Variants in THSD7A observed in about 807,000 individuals in gnomAD.
The protein encoded by THSD7A is thrombospondin type-1 domain-containing protein 7A.
Under a neutral mutation model 231.3 loss-of-function variants are expected in THSD7A, and 96 were observed. The observed-to-expected ratio is 0.41, with a 90% confidence interval of 0.35 to 0.49. THSD7A has a LOEUF of 0.49. Among genes scored for constraint, THSD7A ranks in the 20% least tolerant of loss-of-function variants. The pLI is 0.05. For synonymous variants in THSD7A, 940 were observed against 743.3 expected (o/e 1.26, Z -4.30); for missense variants, 2,290 against 2,070.2 (o/e 1.11, Z -2.06).
At chr7:11,382,810 C>T (rs1782572365) in intron 23 of THSD7A, among the ~76,000 whole-genome samples, 194 bp from the exon 24 acceptor site, 1 of 151,810 alleles carries the variant, frequency 6.6e-6, no homozygotes, top group Non-Finnish European at 1.5e-5. Flanking sequence ...AACTAATTTT[C>T]CATGTCTGCT....
rs556863248 is a variant in THSD7A at position 11,460,609 on chromosome 7, A to G, written c.2605+53T>C. ...GTCCAAGTGGCAAATGCATCAAAAC[A>G]GTAGTTAAACTAGCGATGCTGGAGA... On this transcript the variant is annotated intron_variant, in intron 11 of 27. Transcript: ENST00000423059. The G allele has an allele frequency of 3.7e-5, 53 of 1,443,052 alleles. No individual in the cohort carries two copies. In the African/African-American group the frequency reaches 3.8e-4, roughly 10 times the overall value. 89.4% of individuals were successfully genotyped at this position (1,443,052 alleles called of 1,614,324 possible).
intron 1 of THSD7A, among the ~76,000 whole-genome samples, chr7:11,769,149 A>ATTTTTTTT (rs1245740094): frequency 8.3e-5 from 3 of 36,308 alleles, no homozygotes; most frequent in African/African-American, 2.4e-4. Flanking sequence ...ATATATATAT[A>ATTTTTTTT]TATATTTTTT....
rs182361484 is a variant in THSD7A, at chr7:11,823,255, T to C, written c.190+8502A>G. 5.5e-3 allele frequency among the ~76,000 whole-genome samples: 840 copies of C among 152,176 alleles called. 30 individuals are homozygous for C. Among genetic ancestry groups the C allele is most frequent in the Admixed American group, 0.051 (776 of 15,280 alleles). ...TCTTGTTGGCTTTGTCAAAGATCAG[T>C]TGGTTTAAAATATGTGACCTTATTT... is the stretch of plus-strand genomic sequence containing the variant. On this transcript the variant is annotated intron_variant, in intron 1 of 27. Transcript: ENST00000423059.
chr7:11,518,598 AACACACAC>A (rs138134072), intron 6 of THSD7A, among the ~76,000 whole-genome samples: 5 of 150,064 alleles, frequency 3.3e-5, no homozygotes, highest in African/African-American at 7.4e-5. Flanking sequence ...ATAAAATAGA[AACACACAC>A]ACACACACAC....
intron 11 of THSD7A, among the ~76,000 whole-genome samples, chr7:11,460,290 G>A (rs759608702): frequency 6.6e-6 from 1 of 152,076 alleles, no homozygotes; most frequent in Admixed American, 6.6e-5. Context: ...TATAGGCAAG[G>A]AGGTAAGAAT....
At chr7:11,623,425 C>T (rs917387195) in intron 2 of THSD7A, among the ~76,000 whole-genome samples, 1 of 152,054 alleles carries the variant, frequency 6.6e-6, no homozygotes, top group Non-Finnish European at 1.5e-5. Flanking sequence ...CCCCACTAAT[C>T]CATATTATTC....
intron 11 of THSD7A, among the ~76,000 whole-genome samples, chr7:11,456,130 C>G (rs563364082): frequency 2.0e-5 from 3 of 152,046 alleles, no homozygotes; most frequent in Admixed American, 6.6e-5. Context: ...AAGTGTTGGG[C>G]TGAATGGCAC....
chr7:11,678,235 G>C (rs183202324), intron 1 of THSD7A, among the ~76,000 whole-genome samples: 1 of 152,240 alleles, frequency 6.6e-6, no homozygotes, highest in East Asian at 1.9e-4. Flanking sequence ...GCCCATAGGA[G>C]AAAGCAGGAA....
chr7:11,826,561 C>A (rs1241350861), intron 1 of THSD7A, among the ~76,000 whole-genome samples: 1 of 152,032 alleles, frequency 6.6e-6, no homozygotes, highest in Non-Finnish European at 1.5e-5. Context: ...CCTGTAATCC[C>A]AGAACTTTGG....
At chr7:11,520,171 T>C (rs1042272761) in intron 6 of THSD7A, 5 of 152,214 alleles carry the variant, frequency 3.3e-5, no homozygotes, top group Non-Finnish European at 7.3e-5. Context: ...TGAGATGTAA[T>C]ATGGTGCTTG....
intron 22 of THSD7A, among the ~76,000 whole-genome samples, chr7:11,405,445 C>T (rs921334692): frequency 2.6e-5 from 4 of 152,060 alleles, no homozygotes; most frequent in African/African-American, 9.7e-5. Flanking sequence ...TGGGAGAATA[C>T]AAATTTTCCA....
rs542591287 is a variant in THSD7A, at chr7:11,820,657, A to G, written c.190+11100T>C. The G allele has an allele frequency of 1.6e-5, 13 of 800,622 alleles. No individual in the cohort carries two copies. The East Asian group carries it at 2.5e-4, about 15-fold the overall frequency. 49.6% of individuals were successfully genotyped at this position (800,622 alleles called of 1,614,324 possible). A position where few individuals can be genotyped will look rare whatever the true frequency, so the allele number is the denominator to read the frequency against. On this transcript the variant is annotated intron_variant, in intron 1 of 27. Transcript: ENST00000423059. ...CGAGCGCTCTGCCACCTCCTCTTTC[A>G]CTTGGACCCACAAAGACTTTAGTCC...
chr7:11,755,746 AT>A (rs1168363562), intron 1 of THSD7A, among the ~76,000 whole-genome samples: 3 of 152,036 alleles, frequency 2.0e-5, no homozygotes, highest in Non-Finnish European at 2.9e-5. Flanking sequence ...AGGGTTGTTC[AT>A]TTTGCTTGTT....
intron 23 of THSD7A, among the ~76,000 whole-genome samples, chr7:11,389,519 C>T (rs1261517535): frequency 7.2e-6 from 1 of 139,288 alleles, no homozygotes; most frequent in African/African-American, 2.7e-5. Context: ...TGTGTCTTTG[C>T]ACGTGAGATG....
At chr7:11,668,022 G>T (rs1396776622) in intron 1 of THSD7A, among the ~76,000 whole-genome samples, 1 of 152,146 alleles carries the variant, frequency 6.6e-6, no homozygotes, top group African/African-American at 2.4e-5. Context: ...AGCTGAAGTG[G>T]TATTTCCAAG....
At chr7:11,562,658 G>C (rs1790123044) in intron 4 of THSD7A, among the ~76,000 whole-genome samples, 1 of 152,126 alleles carries the variant, frequency 6.6e-6, no homozygotes, top group South Asian at 2.1e-4. Context: ...AAGGATGCTT[G>C]ATAACAAGAG....
chr7:11,562,732 A>T lies in THSD7A; in HGVS notation c.1454-19615T>A, dbSNP rs866308676. On this transcript the variant is annotated intron_variant, in intron 4 of 27. Coordinates refer to ENST00000423059, the MANE Select transcript of THSD7A (RefSeq NM_015204.3). ...TTTCTGTTCCCTTTTTATTTTTTTT[A>T]AATTTTTTTCAGTAAGTTAAAATAA... is the stretch of plus-strand genomic sequence containing the variant. 9.9e-5 allele frequency among the ~76,000 whole-genome samples: 15 copies of T among 152,244 alleles called. 1 individual carries two copies. Among genetic ancestry groups the T allele is most frequent in the African/African-American group, 3.4e-4 (14 of 41,572 alleles).
At chr7:11,423,370 A>AT (rs757122867) in intron 16 of THSD7A, among the ~76,000 whole-genome samples, 12,054 of 136,084 alleles carry the variant, frequency 0.089, 1,057 homozygotes, top group African/African-American at 0.21. Flanking sequence ...CGAGTGCTGG[A>AT]TTTTTTTTTT....
At chr7:11,414,664 A>G (rs1445816766) in intron 17 of THSD7A, among the ~76,000 whole-genome samples, 3 of 152,194 alleles carry the variant, frequency 2.0e-5, no homozygotes, top group African/African-American at 7.2e-5. Context: ...ATCTACTGGT[A>G]CAGTCTTCTG....
Sources: gnomAD v4.1 joint callset for allele counts (sites outside exome capture counted in the v4.1 genomes callset) on GRCh38, gnomAD v4.1.1 for gene constraint, MANE v1.5 for transcripts, NCBI Gene and HGNC (gene_info 2026-07-23, HGNC 2026-07-21) for gene names.